The following NTN1 variants were observed in gnomAD, a reference collection of about 807,000 sequenced individuals.
NTN1 encodes the protein netrin-1.
NTN1 carries 11 observed loss-of-function variants against 54.2 expected under a neutral mutation model. The ratio of observed to expected loss-of-function variants is 0.20; its 90% CI spans 0.13 to 0.34. The LOEUF is 0.34. NTN1 is among the 10% of genes least tolerant of loss of function. The pLI is 1.00. For missense variants in NTN1, 740 were observed against 893.1 expected, an observed-to-expected ratio of 0.83 and a Z score of 2.18; for synonymous variants, 371 against 382.0, an observed-to-expected ratio of 0.97 and a Z score of 0.33.
chr17:9,069,303 T>G (rs2092025547), intron 2 of NTN1, among the ~76,000 whole-genome samples: 1 of 151,834 alleles, frequency 6.6e-6, no homozygotes, highest in Non-Finnish European at 1.5e-5. Flanking sequence ...GCTATGGGAA[T>G]TAAAAAAAAA....
chr17:9,143,089 G>A (rs1401950946), intron 2 of NTN1, among the ~76,000 whole-genome samples: 2 of 152,188 alleles, frequency 1.3e-5, no homozygotes, highest in African/African-American at 4.8e-5. Flanking sequence ...AAGGGCAGCC[G>A]TCTGGGGAGA....
chr17:9,006,999 C>G, the NTN1 span, among the ~76,000 whole-genome samples: 1 of 152,266 alleles, frequency 6.6e-6, no homozygotes, highest in African/African-American at 2.4e-5. Flanking sequence ...CAAGACCCAG[C>G]ATACCAGCTC....
chr17:9,008,902 A>G, the NTN1 span, among the ~76,000 whole-genome samples: 18 of 152,244 alleles, frequency 1.2e-4, no homozygotes, highest in African/African-American at 4.3e-4. Context: ...TTAGCTGGGC[A>G]TGGTGGTGGA....
chr17:9,013,775 C>T, the NTN1 span, among the ~76,000 whole-genome samples: 1 of 152,170 alleles, frequency 6.6e-6, no homozygotes, highest in Admixed American at 6.5e-5. Context: ...CAGAGGCCCC[C>T]CACTATTTTC....
chr17:9,064,116 AAG>A (rs2092007550), intron 2 of NTN1, among the ~76,000 whole-genome samples: 1 of 152,190 alleles, frequency 6.6e-6, no homozygotes, highest in South Asian at 2.1e-4. Flanking sequence ...GTTTGTAGGT[AAG>A]TGGAAACCAA....
At chr17:9,172,460 CAG>C (rs1169373888) in intron 3 of NTN1, among the ~76,000 whole-genome samples, 1 of 151,896 alleles carries the variant, frequency 6.6e-6, no homozygotes, top group African/African-American at 2.4e-5. Flanking sequence ...GCCTGGGCGA[CAG>C]AGCGAGACTC....
the NTN1 span, among the ~76,000 whole-genome samples, chr17:9,005,931 C>T: frequency 3.8e-3 from 582 of 152,324 alleles, 6 homozygotes; most frequent in African/African-American, 0.013. Flanking sequence ...CCCACACAGA[C>T]AGTACAAATG....
intron 6 of NTN1, among the ~76,000 whole-genome samples, chr17:9,232,871 GTGCTCAGAGC>G (rs1567747879): frequency 6.6e-6 from 1 of 152,168 alleles, no homozygotes; most frequent in African/African-American, 2.4e-5. Flanking sequence ...TGGGAAGCAT[GTGCTCAGAGC>G]TGCATTTCAG....
At chr17:9,129,733 G>C (rs1216322520) in intron 2 of NTN1, among the ~76,000 whole-genome samples, 2 of 152,138 alleles carry the variant, frequency 1.3e-5, no homozygotes, top group Non-Finnish European at 2.9e-5. Context: ...AGAGTTCCAC[G>C]CTCTCTCTGG....
rs116305168 is a variant in NTN1, at chr17:9,095,754, A to G, written c.1019-67059A>G. ...TTCTGATTGAAATGGCTTTAACTTT[A>G]TAGATAAATGTGGAGGGAATGAGAA... On this transcript the variant is annotated intron_variant, in intron 2 of 6. Transcript: ENST00000173229. Among the ~76,000 whole-genome samples, 996 of 152,278 alleles carry G rather than the reference A, an allele frequency of 6.5e-3. 10 individuals are homozygous for G. The highest frequency in any genetic ancestry group is 0.023 in the African/African-American group (953 of 41,556).
chr17:9,227,832 C>A (rs1313215957), intron 6 of NTN1, among the ~76,000 whole-genome samples: 2 of 150,036 alleles, frequency 1.3e-5, no homozygotes, highest in East Asian at 2.0e-4. Flanking sequence ...TACACACATA[C>A]CACACGCATT....
intron 2 of NTN1, among the ~76,000 whole-genome samples, chr17:9,107,075 C>G (rs1295557497): frequency 6.6e-6 from 1 of 152,162 alleles, no homozygotes; most frequent in Non-Finnish European, 1.5e-5. Context: ...CCATGTGACC[C>G]CAGCAGCACA....
intron 1 of NTN1, 69 bp from the exon 2 acceptor site, chr17:9,022,242 C>T (rs1567691534): frequency 9.5e-7 from 1 of 1,056,322 alleles, no homozygotes; most frequent in Non-Finnish European, 1.2e-6. Context: ...CGCATCTCCG[C>T]TCGCCACCCC....
At chr17:9,033,550 T>C (rs1222470945) in intron 2 of NTN1, among the ~76,000 whole-genome samples, 1 of 152,164 alleles carries the variant, frequency 6.6e-6, no homozygotes, top group South Asian at 2.1e-4. Context: ...GACGGGAGGA[T>C]TGCTTGAGCC....
chr17:9,085,537 G>A (rs771270336), intron 2 of NTN1, among the ~76,000 whole-genome samples: 1 of 152,196 alleles, frequency 6.6e-6, no homozygotes, highest in Non-Finnish European at 1.5e-5. Context: ...GATGGATATT[G>A]GCAACAGTTA....
At chr17:9,179,724 G>T (rs1421207889) in intron 3 of NTN1, 83 bp from the exon 4 acceptor site, 16 of 1,500,818 alleles carry the variant, frequency 1.1e-5, no homozygotes. Context: ...GTCCATGGAG[G>T]CAGCCCTGGG....
At position 9,195,731 on chromosome 17, in the gene NTN1, G is replaced by A. The variant is rs573548471; in HGVS notation, c.1411+12762G>A. ...AGGCCCTCAGCGTACAGACTCTCCT[G>A]CCCCTATTGCAGCGGGCTCGCCTGG... On this transcript the variant is annotated intron_variant, in intron 5 of 6. Coordinates refer to ENST00000173229, the MANE Select transcript of NTN1 (RefSeq NM_004822.3). 1.0e-3 allele frequency among the ~76,000 whole-genome samples: 159 copies of A among 152,272 alleles called. 1 individual carries two copies. The highest frequency in any genetic ancestry group is 1.5e-3 in the Non-Finnish European group (104 of 68,018).
chr17:9,152,337 C>A (rs2092330183), intron 2 of NTN1, among the ~76,000 whole-genome samples: 1 of 152,134 alleles, frequency 6.6e-6, no homozygotes, highest in Admixed American at 6.5e-5. Context: ...TTTTTCTCCC[C>A]CAAAATAGTT....
intron 4 of NTN1, among the ~76,000 whole-genome samples, chr17:9,181,519 T>C (rs923485050): frequency 1.4e-4 from 22 of 152,208 alleles, no homozygotes; most frequent in African/African-American, 5.1e-4. Flanking sequence ...TAATAACCCA[T>C]TGTGACAGGG....
Sources: allele counts gnomAD v4.1 joint callset (sites outside exome capture counted in the v4.1 genomes callset), GRCh38; gene constraint gnomAD v4.1.1; transcripts MANE v1.5; gene names NCBI Gene and HGNC (gene_info 2026-07-23, HGNC 2026-07-21).